Variants in SBF2 observed in about 807,000 individuals in gnomAD.
The protein encoded by SBF2 is myotubularin-related protein 13.
A neutral mutation model predicts 225.2 loss-of-function variants in SBF2; 112 were observed. The observed-to-expected ratio is 0.50, with a 90% CI of 0.43 to 0.58. SBF2 has a LOEUF of 0.58. SBF2 is among the 20% of genes least tolerant of loss of function. The pLI, the probability that SBF2 is intolerant of heterozygous loss-of-function variation, is 0.00. For missense variants in SBF2, 1,996 were observed against 2,206.2 expected (o/e 0.90, Z 1.91); for synonymous variants, 763 against 773.3 (o/e 0.99, Z 0.22).
At chr11:10,188,249 A>G (rs1298067004) in intron 2 of SBF2, among the ~76,000 whole-genome samples, 1 of 152,244 alleles carries the variant, frequency 6.6e-6, no homozygotes, top group African/African-American at 2.4e-5. Flanking sequence ...GAATAGAAAT[A>G]GAATAGTAGC....
intron 1 of SBF2, among the ~76,000 whole-genome samples, chr11:10,267,013 G>C (rs1420759676): frequency 1.3e-5 from 2 of 152,200 alleles, no homozygotes. Context: ...AGAATCGCTT[G>C]AACCTGGGAG....
intron 2 of SBF2, among the ~76,000 whole-genome samples, chr11:10,175,802 A>C (rs1039645768): frequency 1.1e-4 from 16 of 152,124 alleles, no homozygotes; most frequent in East Asian, 1.9e-4. Flanking sequence ...CAGAAATTAT[A>C]ACAAACTATC....
rs865872439 is a variant in SBF2, at chr11:9,953,212, G to C, written c.1860+8745C>G. On this transcript the variant is annotated intron_variant, in intron 16 of 39. Coordinates refer to ENST00000256190, the MANE Select transcript of SBF2 (RefSeq NM_030962.4). ...TGTAATCCCAGCACTTTGGGAGGCT[G>C]AGACAGGTGGATCACAAGGTCAGGA... Among the ~76,000 whole-genome samples, 53 of 152,336 alleles carry C rather than the reference G, an allele frequency of 3.5e-4. No individual in the cohort carries two copies. The Middle Eastern group carries it at 0.031, about 88-fold the overall frequency.
At chr11:10,209,850 G>A (rs945318936) in intron 1 of SBF2, among the ~76,000 whole-genome samples, 4 of 152,130 alleles carry the variant, frequency 2.6e-5, no homozygotes, top group South Asian at 4.2e-4. Context: ...AAGATGTCTC[G>A]AAGACAACAC....
At chr11:9,928,061 T>C (rs1864191465) in intron 16 of SBF2, among the ~76,000 whole-genome samples, 1 of 152,172 alleles carries the variant, frequency 6.6e-6, no homozygotes, top group African/African-American at 2.4e-5. Flanking sequence ...GAAGACTTCT[T>C]AGATATGATA....
intron 1 of SBF2, among the ~76,000 whole-genome samples, chr11:10,238,240 C>A (rs1262859843): frequency 6.6e-6 from 1 of 152,076 alleles, no homozygotes; most frequent in South Asian, 2.1e-4. Context: ...GAAACCCTAT[C>A]TCTACAAAGA....
At chr11:10,228,755 C>A (rs1213606155) in intron 1 of SBF2, among the ~76,000 whole-genome samples, 1 of 152,190 alleles carries the variant, frequency 6.6e-6, no homozygotes, top group Non-Finnish European at 1.5e-5. Flanking sequence ...CATCAATGTT[C>A]ATCAAGGATA....
At chr11:10,160,347 TAAGACAAAA>T (rs1955678598) in intron 2 of SBF2, among the ~76,000 whole-genome samples, 1 of 152,200 alleles carries the variant, frequency 6.6e-6, no homozygotes, top group African/African-American at 2.4e-5. Flanking sequence ...AAAATTATTC[TAAGACAAAA>T]ACCTTGCCTC....
chr11:10,197,194 C>G (rs1279516586), intron 1 of SBF2, among the ~76,000 whole-genome samples: 2 of 152,032 alleles, frequency 1.3e-5, no homozygotes, highest in Non-Finnish European at 2.9e-5. Context: ...AGAAAAGAAC[C>G]TAAATGGGAC....
intron 2 of SBF2, among the ~76,000 whole-genome samples, chr11:10,137,451 A>G (rs939873970): frequency 2.6e-5 from 4 of 152,162 alleles, no homozygotes; most frequent in African/African-American, 4.8e-5. Flanking sequence ...CAGTAGTGAG[A>G]GCAGACATCC....
At chr11:9,847,452 C>T (rs1409038111) in intron 22 of SBF2, among the ~76,000 whole-genome samples, 1 of 151,490 alleles carries the variant, frequency 6.6e-6, no homozygotes, top group Non-Finnish European at 1.5e-5. Flanking sequence ...TTTCTATCTC[C>T]CCAACCTACT....
At chr11:10,057,544 C>A (rs947143773) in intron 2 of SBF2, among the ~76,000 whole-genome samples, 1 of 152,170 alleles carries the variant, frequency 6.6e-6, no homozygotes, top group African/African-American at 2.4e-5. Flanking sequence ...GATGATTGCA[C>A]TGAGTGATTG....
In SBF2 at chr11:9,779,284, TTTAACATA is replaced by T. The variant is rs1851882808; in HGVS notation, c.*1126_*1133del. On this transcript the variant is annotated 3_prime_UTR_variant, in exon 40 of 40. Transcript: ENST00000256190. ...ACATTTTTGAAATATTAGTTTAGTA[TTTAACATA>T]TTAACATTTCAAAACAAATGCAATG... 6.5e-6 allele frequency: 1 copy of T among 152,676 alleles called. No individual in the cohort carries two copies. Among genetic ancestry groups the T allele is most frequent in the Non-Finnish European group, 1.5e-5 (1 of 68,042 alleles). 9.5% of individuals were successfully genotyped at this position (152,676 alleles called of 1,614,324 possible). A position where few individuals can be genotyped will look rare whatever the true frequency, so the allele number is the denominator to read the frequency against.
chr11:9,826,607 C>T (rs542737398), intron 28 of SBF2, among the ~76,000 whole-genome samples: 1 of 151,928 alleles, frequency 6.6e-6, no homozygotes, highest in East Asian at 1.9e-4. Flanking sequence ...GAAAGCAACA[C>T]ATAGAGTTGC....
chr11:10,245,468 T>C (rs1959691831), intron 1 of SBF2, among the ~76,000 whole-genome samples: 1 of 151,946 alleles, frequency 6.6e-6, no homozygotes. Flanking sequence ...TATGTAAGAA[T>C]GGCTATTATT....
intron 16 of SBF2, among the ~76,000 whole-genome samples, chr11:9,946,650 A>G (rs1392431298): frequency 6.6e-6 from 1 of 152,062 alleles, no homozygotes; most frequent in Non-Finnish European, 1.5e-5. Context: ...GAGTTTCTCC[A>G]TGTTGGTAAG....
Position 10,049,349 on chromosome 11 carries a change from G to A in SBF2, c.142-6368C>T, listed in dbSNP as rs142928911. 2.1e-3 allele frequency among the ~76,000 whole-genome samples: 318 copies of A among 152,282 alleles called. 1 individual carries two copies. Among genetic ancestry groups the A allele is most frequent in the Middle Eastern group, 6.8e-3 (2 of 294 alleles). On this transcript the variant is annotated intron_variant, in intron 2 of 39. Coordinates refer to ENST00000256190, the MANE Select transcript of SBF2 (RefSeq NM_030962.4). ...TGGCTGGGTGCGATGGCTCACGCCT[G>A]TAACCCCAGCACTTTGGGAGGCTGA... is the stretch of plus-strand genomic sequence containing the variant.
intron 1 of SBF2, among the ~76,000 whole-genome samples, chr11:10,245,097 G>A (rs188587426): frequency 7.3e-6 from 1 of 136,554 alleles, no homozygotes; most frequent in Non-Finnish European, 1.5e-5. Flanking sequence ...TCACACCACT[G>A]TACTCCAGCA....
intron 2 of SBF2, among the ~76,000 whole-genome samples, chr11:10,133,474 G>A (rs551667875): frequency 4.9e-5 from 7 of 142,952 alleles, no homozygotes; most frequent in African/African-American, 1.0e-4. Context: ...AAGGCCCAGC[G>A]AGAAATCGAA....
Sources: allele counts gnomAD v4.1 joint callset (sites outside exome capture counted in the v4.1 genomes callset), GRCh38; gene constraint gnomAD v4.1.1; transcripts MANE v1.5; gene names NCBI Gene and HGNC (gene_info 2026-07-23, HGNC 2026-07-21).